The following RGS5 variants were observed in gnomAD, a reference collection of about 807,000 sequenced individuals.
RGS5 encodes the protein regulator of G-protein signalling 5.
A neutral mutation model predicts 18.9 loss-of-function variants in RGS5; 20 were observed. The observed-to-expected ratio is 1.06, with a 90% CI of 0.74 to 1.54. RGS5 has a LOEUF of 1.54. Among genes scored for constraint, RGS5 ranks in the 40% most tolerant of loss-of-function variants. The pLI is 0.00. For synonymous variants in RGS5, 57 were observed against 76.2 expected, an observed-to-expected ratio of 0.75 and a Z score of 1.31; for missense variants, 201 against 211.8, an observed-to-expected ratio of 0.95 and a Z score of 0.32.
intron 2 of RGS5, among the ~76,000 whole-genome samples, chr1:163,269,662 A>C (rs574392173): frequency 6.6e-6 from 1 of 152,314 alleles, no homozygotes; most frequent in African/African-American, 2.4e-5. Context: ...AGGGAATTAA[A>C]GATTTTAAAT....
At chr1:163,308,075 C>A (rs1649753686) in intron 1 of RGS5, among the ~76,000 whole-genome samples, 2 of 152,176 alleles carry the variant, frequency 1.3e-5, no homozygotes, top group South Asian at 4.1e-4. Context: ...GATCCTGATT[C>A]AGTTGGTCTG....
At position 163,147,213 on chromosome 1, in the gene RGS5, C is replaced by G; in HGVS notation, c.*129G>C. The G allele has an allele frequency of 1.1e-6, 1 of 949,356 alleles. No individual in the cohort carries two copies. The highest frequency in any genetic ancestry group is 1.5e-6 in the Non-Finnish European group (1 of 671,422). The allele number at this position is 949,356 out of a possible 1,614,324, so 58.8% of individuals were successfully genotyped here. On this transcript the variant is annotated 3_prime_UTR_variant, in exon 5 of 5. Coordinates refer to ENST00000313961, the MANE Select transcript of RGS5 (RefSeq NM_003617.4). ...GTGGGCAAAAAGAGTAAGCAACATC[C>G]CCTGGGATTTTTCCCATGTGGGTAT...
intron 1 of RGS5, among the ~76,000 whole-genome samples, chr1:163,182,546 G>A (rs1367357785): frequency 6.6e-6 from 1 of 152,188 alleles, no homozygotes; most frequent in Non-Finnish European, 1.5e-5. Context: ...TGGGGGTAAG[G>A]AAGGAGACAG....
intron 2 of RGS5, among the ~76,000 whole-genome samples, chr1:163,275,447 A>G (rs1056116477): frequency 2.6e-5 from 4 of 152,056 alleles, no homozygotes; most frequent in African/African-American, 7.3e-5. Context: ...TCTTAAGCAT[A>G]TGAGATCAAC....
At chr1:163,207,803 T>A (rs1049143859), upstream of RGS5, among the ~76,000 whole-genome samples, 50 of 151,628 alleles carry the variant, frequency 3.3e-4, 1 homozygote, top group African/African-American at 1.2e-3. Flanking sequence ...AGATAACAGG[T>A]TAAATAAGAA....
At chr1:163,243,587 C>T (rs1461937256) in intron 2 of RGS5, among the ~76,000 whole-genome samples, 1 of 141,460 alleles carries the variant, frequency 7.1e-6, no homozygotes, top group Non-Finnish European at 1.5e-5. Flanking sequence ...GCGGAGCTTG[C>T]AGCCAGAGAT....
At chr1:163,194,774 G>C (rs1220181187) in intron 1 of RGS5, among the ~76,000 whole-genome samples, 5 of 152,080 alleles carry the variant, frequency 3.3e-5, no homozygotes, top group Non-Finnish European at 4.4e-5. Context: ...ATTGAGAAAA[G>C]AGCATTGAAA....
At chr1:163,222,170 T>C (rs1647240982), upstream of RGS5, among the ~76,000 whole-genome samples, 1 of 152,134 alleles carries the variant, frequency 6.6e-6, no homozygotes, top group African/African-American at 2.4e-5. Context: ...GTTCGTGACC[T>C]GTTAGGAACC....
At chr1:163,174,425 G>GAATC (rs1231552121) in intron 1 of RGS5, among the ~76,000 whole-genome samples, 1 of 152,188 alleles carries the variant, frequency 6.6e-6, no homozygotes. Context: ...ATGAATGAAT[G>GAATC]AACTGAATTG....
intron 2 of RGS5, chr1:163,305,212 C>G (rs1486466946): frequency 1.3e-5 from 2 of 152,250 alleles, no homozygotes; most frequent in Admixed American, 1.3e-4. Context: ...CAAAACCATC[C>G]ATATACTGGA....
chr1:163,180,551 T>C (rs1250786163), intron 1 of RGS5, among the ~76,000 whole-genome samples: 1 of 152,126 alleles, frequency 6.6e-6, no homozygotes, highest in African/African-American at 2.4e-5. Context: ...CCAAAGTTTC[T>C]TTATTCCCAC....
chr1:163,306,693 CTAAT>C (rs1649709804), intron 1 of RGS5, among the ~76,000 whole-genome samples: 1 of 152,090 alleles, frequency 6.6e-6, no homozygotes, highest in Admixed American at 6.5e-5. Flanking sequence ...GGGTCTTACT[CTAAT>C]ATAATATGAC....
chr1:163,262,660 T>C (rs1648476594), intron 2 of RGS5, among the ~76,000 whole-genome samples: 1 of 133,732 alleles, frequency 7.5e-6, no homozygotes, highest in African/African-American at 2.9e-5. Flanking sequence ...TATAGTCATT[T>C]GGGTATATAC....
At chr1:163,276,358 AT>A (rs1648853810) in intron 2 of RGS5, among the ~76,000 whole-genome samples, 1 of 152,202 alleles carries the variant, frequency 6.6e-6, no homozygotes, top group East Asian at 1.9e-4. Context: ...ATTAAAAAAA[AT>A]AATTACTGAG....
At chr1:163,205,664 G>A (rs1003756273), upstream of RGS5, among the ~76,000 whole-genome samples, 6 of 152,030 alleles carry the variant, frequency 3.9e-5, no homozygotes, top group East Asian at 5.8e-4. Context: ...ATGCCACAGT[G>A]GTTTGGGCTC....
chr1:163,222,903 A>C (rs999840861), intron 2 of RGS5, among the ~76,000 whole-genome samples: 1 of 152,146 alleles, frequency 6.6e-6, no homozygotes, highest in Non-Finnish European at 1.5e-5. Flanking sequence ...TCTGTCACCC[A>C]GGCTGGAGTA....
intron 2 of RGS5, among the ~76,000 whole-genome samples, chr1:163,245,686 T>A (rs1320029357): frequency 6.6e-6 from 1 of 152,222 alleles, no homozygotes. Flanking sequence ...AATTCCTGAT[T>A]ATGCATCTGT....
At chr1:163,299,470 T>C (rs996697115) in intron 2 of RGS5, among the ~76,000 whole-genome samples, 4 of 152,188 alleles carry the variant, frequency 2.6e-5, no homozygotes, top group African/African-American at 7.2e-5. Context: ...TCTGCCACCG[T>C]AAGCTAAATA....
At chr1:163,176,659 C>T (rs1642232137) in intron 1 of RGS5, among the ~76,000 whole-genome samples, 1 of 151,470 alleles carries the variant, frequency 6.6e-6, no homozygotes, top group Non-Finnish European at 1.5e-5. Flanking sequence ...AAAAGAAAAC[C>T]CTGTGCAGCC....
Sources: allele counts gnomAD v4.1 joint callset (sites outside exome capture counted in the v4.1 genomes callset), GRCh38; gene constraint gnomAD v4.1.1; transcripts MANE v1.5; gene names NCBI Gene and HGNC (gene_info 2026-07-23, HGNC 2026-07-21).